RANBP10: variants seen among roughly 807,000 people sequenced by gnomAD.
RANBP10 encodes ran-binding protein 10.
Under a neutral mutation model 72.8 loss-of-function variants are expected in RANBP10, and 24 were observed. The observed-to-expected ratio is 0.33, with a 90% CI of 0.24 to 0.46. The LOEUF is 0.46. Among genes scored for constraint, RANBP10 ranks in the 20% least tolerant of loss-of-function variants. The pLI is 1.00. For synonymous variants in RANBP10, 310 were observed against 322.3 expected, an observed-to-expected ratio of 0.96 and a Z score of 0.41; for missense variants, 679 against 817.5, an observed-to-expected ratio of 0.83 and a Z score of 2.07.
chr16:67,774,413 C>T (rs2054660365), intron 2 of RANBP10, among the ~76,000 whole-genome samples: 1 of 152,226 alleles, frequency 6.6e-6, no homozygotes. Context: ...AGCACCTGTG[C>T]TCAAAACACA....
At chr16:67,806,276 T>C (rs1295780767) in intron 1 of RANBP10, 26 bp downstream of exon 1, 21 of 1,584,628 alleles carry the variant, frequency 1.3e-5, no homozygotes, top group South Asian at 5.7e-5. Context: ...CTAGCCTTAA[T>C]TCCCCCCAGC....
At chr16:67,744,180 C>T in intron 4 of RANBP10, 108 bp downstream of exon 4, 1 of 1,516,152 alleles carries the variant, frequency 6.6e-7, no homozygotes, top group Non-Finnish European at 8.8e-7. Flanking sequence ...TGGTGCGGTA[C>T]CCCAGAGCTC....
chr16:67,792,612 C>G (rs2055049124), intron 2 of RANBP10, among the ~76,000 whole-genome samples: 1 of 150,426 alleles, frequency 6.6e-6, no homozygotes, highest in African/African-American at 2.4e-5. Flanking sequence ...GGTGAAGCCC[C>G]ATAAAATACA....
In RANBP10 at chr16:67,728,320, T is replaced by C. The variant is rs567847054; in HGVS notation, c.1474+70A>G. Reference sequence around the variant, plus strand: ...GCCAAAGCCTGCCTACCCCAGCCCCTCCCAGGGGAAGAGGGCACCCAGACT... The same window carrying C: ...GCCAAAGCCTGCCTACCCCAGCCCCCCCCAGGGGAAGAGGGCACCCAGACT... On this transcript the variant is annotated intron_variant, in intron 11 of 13. Coordinates refer to ENST00000317506, the MANE Select transcript of RANBP10 (RefSeq NM_020850.3). 483 of 1,547,360 alleles carry C rather than the reference T, an allele frequency of 3.1e-4. 3 individuals are homozygous for C. Among genetic ancestry groups the C allele is most frequent in the Admixed American group, 2.1e-4 (12 of 58,408 alleles).
intron 3 of RANBP10, among the ~76,000 whole-genome samples, chr16:67,761,875 A>G (rs1320832633): frequency 2.0e-5 from 3 of 152,162 alleles, no homozygotes; most frequent in African/African-American, 7.2e-5. Context: ...CCGGACATAC[A>G]TAAACATTTA....
chr16:67,794,957 A>AAAAAAAG, intron 2 of RANBP10, among the ~76,000 whole-genome samples: 1 of 151,136 alleles, frequency 6.6e-6, no homozygotes, highest in African/African-American at 2.4e-5. Flanking sequence ...AAAAAAAAAA[A>AAAAAAAG]ACAGCAACAA....
chr16:67,773,384 CCT>C (rs1386130778), intron 2 of RANBP10, among the ~76,000 whole-genome samples: 4 of 152,176 alleles, frequency 2.6e-5, no homozygotes, highest in Non-Finnish European at 5.9e-5. Flanking sequence ...GCCAATTAAA[CCT>C]CTTTTCTTTA....
In RANBP10 at chr16:67,797,682, C is replaced by G. The variant is rs539745356; in HGVS notation, c.347+7746G>C. Among the ~76,000 whole-genome samples the G allele has an allele frequency of 2.0e-5, 3 of 152,022 alleles. No homozygotes were observed. The East Asian group carries it at 5.8e-4, about 29-fold the overall frequency. On this transcript the variant is annotated intron_variant, in intron 2 of 13. Transcript: ENST00000317506. ...AAAATTAGCCAGGTGTCATGGCACA[C>G]GCCTGTAATCCCAGCTACTCAGGAG...
intron 5 of RANBP10, among the ~76,000 whole-genome samples, chr16:67,737,474 T>C (rs2053876300): frequency 1.3e-5 from 2 of 151,908 alleles, no homozygotes; most frequent in African/African-American, 2.4e-5. Flanking sequence ...AGTGCTGGGA[T>C]TACAGGTGTG....
chr16:67,754,228 G>C (rs1326673694), intron 3 of RANBP10, among the ~76,000 whole-genome samples: 1 of 152,032 alleles, frequency 6.6e-6, no homozygotes, highest in Non-Finnish European at 1.5e-5. Flanking sequence ...CATCCAAGTA[G>C]CCAGCGGCTG....
intron 2 of RANBP10, among the ~76,000 whole-genome samples, chr16:67,772,576 G>C (rs185985591): frequency 6.6e-6 from 1 of 152,170 alleles, no homozygotes; most frequent in Non-Finnish European, 1.5e-5. Flanking sequence ...AAACGAGCTT[G>C]TTCTCTGGGT....
intron 10 of RANBP10, chr16:67,728,751 C>T: frequency 1.5e-6 from 1 of 674,576 alleles, no homozygotes; most frequent in Non-Finnish European, 2.5e-6. Context: ...TGTGATTCTC[C>T]CCTCCCTGGC....
chr16:67,802,674 A>C (rs1375654526), intron 2 of RANBP10, among the ~76,000 whole-genome samples: 5 of 152,196 alleles, frequency 3.3e-5, no homozygotes, highest in Non-Finnish European at 7.3e-5. Context: ...TGATGTTTCC[A>C]GATCAGCTCA....
In RANBP10 at chr16:67,725,703, G is replaced by C. The variant is rs542398430; in HGVS notation, c.*725C>G. ...TCTGTCCAGCTCTCAGGGGCCTAGG[G>C]ATCTACAGTTCTTGGGATGCTATAA... On this transcript the variant is annotated 3_prime_UTR_variant, in exon 14 of 14. Transcript: ENST00000317506. 2 of 152,378 alleles carry C rather than the reference G, an allele frequency of 1.3e-5. No homozygotes were observed. Among genetic ancestry groups the C allele is most frequent in the East Asian group, 3.9e-4 (2 of 5,176 alleles). The allele number at this position is 152,378 out of a possible 1,614,324, so 9.4% of individuals were successfully genotyped here.
At chr16:67,737,192 C>G (rs549450969) in intron 5 of RANBP10, among the ~76,000 whole-genome samples, 26 of 75,966 alleles carry the variant, frequency 3.4e-4, no homozygotes, top group Middle Eastern at 9.4e-3. Context: ...CCATCCTTTT[C>G]TTTTTTTTTT....
At position 67,727,747 on chromosome 16, in the gene RANBP10, G is replaced by C; in HGVS notation, c.1620+4C>G. 1 of 1,614,132 alleles carries C rather than the reference G, an allele frequency of 6.2e-7. No homozygotes were observed. Among genetic ancestry groups the C allele is most frequent in the Non-Finnish European group, 8.5e-7 (1 of 1,180,032 alleles). ...CTCTGCATGAGGCCCGGCTCATCCTGTACCTGCAGCATCTCTGTGTGGGCC... is the reference window on the plus strand; with the variant it reads ...CTCTGCATGAGGCCCGGCTCATCCTCTACCTGCAGCATCTCTGTGTGGGCC... On this transcript the variant is annotated splice_donor_region_variant and intron_variant, in intron 12 of 13. Transcript: ENST00000317506.
intron 11 of RANBP10, 34 bp from the exon 12 acceptor site, chr16:67,727,930 A>T: frequency 6.2e-7 from 1 of 1,609,356 alleles, no homozygotes; most frequent in Non-Finnish European, 8.5e-7. Context: ...ACGTGTTAGG[A>T]GGGGTGAAGA....
chr16:67,737,985 G>A, intron 5 of RANBP10, 28 bp downstream of exon 5: 4 of 1,576,902 alleles, frequency 2.5e-6, no homozygotes, highest in South Asian at 1.2e-5. Flanking sequence ...AGAAACCCAG[G>A]AGGGGAAGAC....
intron 3 of RANBP10, among the ~76,000 whole-genome samples, chr16:67,761,760 G>T (rs760688737): frequency 2.1e-4 from 32 of 152,168 alleles, no homozygotes; most frequent in Non-Finnish European, 4.0e-4. Flanking sequence ...TGGTAGAGAC[G>T]GGGTTTTACC....
Sources: allele counts gnomAD v4.1 joint callset (sites outside exome capture counted in the v4.1 genomes callset), GRCh38; gene constraint gnomAD v4.1.1; transcripts MANE v1.5; gene names NCBI Gene and HGNC (gene_info 2026-07-23, HGNC 2026-07-21).